PLA2R1: variants seen among roughly 807,000 people sequenced by gnomAD.
PLA2R1 encodes the protein secretory phospholipase A2 receptor.
Under a neutral mutation model 195.9 loss-of-function variants are expected in PLA2R1, and 158 were observed. The observed-to-expected ratio is 0.81, with a 90% CI of 0.71 to 0.92. PLA2R1 has a LOEUF of 0.92. PLA2R1 is among the 40% of genes least tolerant of loss of function. The pLI is 0.00. For missense variants in PLA2R1, 1,626 were observed against 1,764.6 expected, an observed-to-expected ratio of 0.92 and a Z score of 1.41; for synonymous variants, 586 against 598.2, an observed-to-expected ratio of 0.98 and a Z score of 0.30.
intron 23 of PLA2R1, among the ~76,000 whole-genome samples, chr2:159,953,498 A>T (rs1377416108): frequency 6.6e-6 from 1 of 152,254 alleles, no homozygotes; most frequent in African/African-American, 2.4e-5. Context: ...ATATGCTAGA[A>T]GTATGCTAAG....
In PLA2R1 at chr2:160,062,275, C is replaced by G; in HGVS notation, c.109+20G>C. 6.9e-7 allele frequency: 1 copy of G among 1,445,238 alleles called. No individual in the cohort carries two copies. The highest frequency in any genetic ancestry group is 9.1e-7 in the Non-Finnish European group (1 of 1,093,764). 89.5% of individuals were successfully genotyped at this position (1,445,238 alleles called of 1,614,324 possible). On this transcript the variant is annotated intron_variant, in intron 1 of 29. Transcript: ENST00000283243. ...CCCTCCCCAACGTACCGATCCAGTC[C>G]CCGACCCTGGGAGACTCACCCTGCC... is the stretch of plus-strand genomic sequence containing the variant.
chr2:159,941,202 G>A lies in PLA2R1; in HGVS notation c.*576C>T, dbSNP rs1036267591. On this transcript the variant is annotated 3_prime_UTR_variant, in exon 30 of 30. Transcript: ENST00000283243. ...GATGTTAGACCTAATAAAAATGAAT[G>A]TCACCTTAAATATCAGTTGAGAGCC... is the stretch of plus-strand genomic sequence containing the variant. 3.3e-5 allele frequency: 5 copies of A among 152,112 alleles called. No homozygotes were observed. Among genetic ancestry groups the A allele is most frequent in the African/African-American group, 1.2e-4 (5 of 41,424 alleles). The allele number at this position is 152,112 out of a possible 1,614,324, so 9.4% of individuals were successfully genotyped here.
At chr2:160,031,183 C>T (rs995947005) in intron 4 of PLA2R1, among the ~76,000 whole-genome samples, 6 of 152,170 alleles carry the variant, frequency 3.9e-5, no homozygotes, top group African/African-American at 1.4e-4. Context: ...AGTGTGCTTA[C>T]TTTTCCATCC....
At chr2:160,008,780 G>C (rs1692162346) in intron 10 of PLA2R1, among the ~76,000 whole-genome samples, 2 of 152,148 alleles carry the variant, frequency 1.3e-5, no homozygotes, top group African/African-American at 4.8e-5. Context: ...ATGGGAGAAA[G>C]TATTTGCAAG....
At chr2:160,019,346 T>C (rs934494304) in intron 8 of PLA2R1, among the ~76,000 whole-genome samples, 1 of 152,178 alleles carries the variant, frequency 6.6e-6, no homozygotes, top group African/African-American at 2.4e-5. Flanking sequence ...CAGCAGTCAA[T>C]GGCACCACCA....
At position 159,955,874 on chromosome 2, in the gene PLA2R1, T is replaced by A. The variant is rs1233543267; in HGVS notation, c.3023-46A>T. The A allele has an allele frequency of 5.4e-6, 7 of 1,295,398 alleles. No homozygotes were observed. The Admixed American group carries it at 1.4e-4, about 26-fold the overall frequency. The allele number at this position is 1,295,398 out of a possible 1,614,324, so 80.2% of individuals were successfully genotyped here. On this transcript the variant is annotated intron_variant, in intron 21 of 29. Transcript: ENST00000283243. ...ATCTAATTTAATACTGTAGAAAGCATTTGGGTAATCACTGCATCCTATTTA... is the reference window on the plus strand; with the variant it reads ...ATCTAATTTAATACTGTAGAAAGCAATTGGGTAATCACTGCATCCTATTTA...
At chr2:160,008,254 T>C (rs1433162641) in intron 10 of PLA2R1, among the ~76,000 whole-genome samples, 1 of 152,176 alleles carries the variant, frequency 6.6e-6, no homozygotes, top group East Asian at 1.9e-4. Context: ...TGCAGTGAGC[T>C]ATGACTGAAC....
chr2:160,052,614 C>A (rs879871565), intron 1 of PLA2R1, among the ~76,000 whole-genome samples: 1 of 152,134 alleles, frequency 6.6e-6, no homozygotes, highest in Non-Finnish European at 1.5e-5. Flanking sequence ...TGAAAATATA[C>A]CATCTCAGTC....
chr2:160,035,333 C>T (rs1215628713), intron 3 of PLA2R1, among the ~76,000 whole-genome samples: 2 of 152,290 alleles, frequency 1.3e-5, no homozygotes, highest in South Asian at 4.1e-4. Context: ...TCTCTAAGGA[C>T]TGCTTTGGCA....
chr2:159,942,405 A>G (rs1337534777), intron 28 of PLA2R1, among the ~76,000 whole-genome samples: 5 of 152,258 alleles, frequency 3.3e-5, no homozygotes, highest in African/African-American at 1.2e-4. Flanking sequence ...CTTTACAGAA[A>G]AAGTTTGCTG....
At chr2:159,946,964 A>G (rs1046513744) in intron 26 of PLA2R1, 47 bp from the exon 27 acceptor site, 6 of 1,181,246 alleles carry the variant, frequency 5.1e-6, no homozygotes, top group Non-Finnish European at 7.4e-6. Context: ...TTACACATAA[A>G]TATACTTTAA....
intron 1 of PLA2R1, among the ~76,000 whole-genome samples, chr2:160,056,377 G>T (rs948825857): frequency 6.6e-6 from 1 of 152,120 alleles, no homozygotes; most frequent in African/African-American, 2.4e-5. Flanking sequence ...CTTTGCTCTG[G>T]ACATTGGGCT....
rs766946122 is a variant in PLA2R1 at position 160,042,045 on chromosome 2, C to T, written c.647G>A (p.Trp216Ter). The stretch of plus-strand genomic sequence containing the variant: ...CTTACTGGGATCAGGGCAAAATCCC[C>T]ACTTTTCATCTCTTTCATAACGGCT... ...TTSRYERDEK[W>*]GFCPDPTSAE... Residue 216 changes from tryptophan (W) to a stop codon, truncating the protein, a stop_gained, in exon 3 of 30, where the codon TGG becomes TAG. Coordinates refer to ENST00000283243, the MANE Select transcript of PLA2R1 (RefSeq NM_007366.5). LOFTEE classifies it high-confidence loss of function. 1.9e-6 allele frequency: 3 copies of T among 1,613,788 alleles called. No individual in the cohort carries two copies. In the South Asian group the frequency reaches 3.3e-5, roughly 18 times the overall value.
rs1188485814 is a variant in PLA2R1, at chr2:159,956,628, C to G, written c.2905-1G>C. ...CTTTGGGGATATTCAGCAGAAGGCA[C>G]TATCAAAAAATGTCAAAACAAAACA... On this transcript the variant is annotated splice_acceptor_variant, in intron 20 of 29. Transcript: ENST00000283243. LOFTEE classifies it high-confidence loss of function. 1.9e-6 allele frequency: 3 copies of G among 1,562,988 alleles called. No individual in the cohort carries two copies. Among genetic ancestry groups the G allele is most frequent in the Non-Finnish European group, 2.6e-6 (3 of 1,133,720 alleles).
At chr2:159,976,459 C>T (rs185020083) in intron 16 of PLA2R1, among the ~76,000 whole-genome samples, 1 of 152,054 alleles carries the variant, frequency 6.6e-6, no homozygotes, top group African/African-American at 2.4e-5. Flanking sequence ...GGGATAGGTA[C>T]ATATTCTAAA....
chr2:159,986,458 A>G (rs1199810767), intron 12 of PLA2R1, among the ~76,000 whole-genome samples: 2 of 152,006 alleles, frequency 1.3e-5, no homozygotes, highest in Non-Finnish European at 2.9e-5. Flanking sequence ...TTTGTGCAAA[A>G]CCTCCTGTCA....
intron 10 of PLA2R1, 22 bp from the exon 11 acceptor site, chr2:160,005,843 T>C: frequency 1.3e-6 from 2 of 1,565,682 alleles, no homozygotes; most frequent in Non-Finnish European, 1.8e-6. Flanking sequence ...AAAAAAGAAG[T>C]GGTTACATTA....
At chr2:159,987,011 C>A (rs890947604) in intron 12 of PLA2R1, 145 bp downstream of exon 12, 2 of 621,632 alleles carry the variant, frequency 3.2e-6, no homozygotes, top group African/African-American at 1.9e-5. Flanking sequence ...TAGAGACAGG[C>A]AACAAATGTT....
intron 20 of PLA2R1, among the ~76,000 whole-genome samples, chr2:159,958,257 C>T (rs1008142623): frequency 1.3e-5 from 2 of 152,004 alleles, no homozygotes; most frequent in African/African-American, 4.8e-5. Context: ...CCTCTCACCT[C>T]ACCCTCTTGT....
Sources: gnomAD v4.1 joint callset for allele counts (sites outside exome capture counted in the v4.1 genomes callset) on GRCh38, gnomAD v4.1.1 for gene constraint, MANE v1.5 for transcripts, NCBI Gene and HGNC (gene_info 2026-07-23, HGNC 2026-07-21) for gene names.